The following ZEB1 variants were observed in gnomAD, a reference collection of about 807,000 sequenced individuals.
ZEB1 encodes zinc finger E-box-binding homeobox 1.
ZEB1 carries 21 observed loss-of-function variants against 84.9 expected under a neutral mutation model. The observed-to-expected ratio is 0.25, with a 90% CI of 0.18 to 0.36. The LOEUF (loss-of-function observed/expected upper bound fraction) is 0.36. ZEB1 is among the 10% of genes least tolerant of loss of function. The probability of loss-of-function intolerance (pLI) is 1.00; values close to 1 mark genes in which losing one functional copy is unlikely to be tolerated. For synonymous variants in ZEB1, 420 were observed against 471.1 expected (o/e 0.89, Z 1.41); for missense variants, 1,104 against 1,330.2 (o/e 0.83, Z 2.65).
chr10:31,351,209 T>A (rs763036463), intron 1 of ZEB1, among the ~76,000 whole-genome samples: 3 of 152,202 alleles, frequency 2.0e-5, no homozygotes, highest in African/African-American at 2.4e-5. Flanking sequence ...ATATAGTAGT[T>A]GTAAATTGCT....
At chr10:31,482,042 C>A (rs377643840) in intron 2 of ZEB1, among the ~76,000 whole-genome samples, 185 of 151,924 alleles carry the variant, frequency 1.2e-3, no homozygotes, top group African/African-American at 4.3e-3. Context: ...AGTATTTTCC[C>A]AGAAGATAAT....
intron 1 of ZEB1, among the ~76,000 whole-genome samples, chr10:31,384,382 C>A (rs1035790788): frequency 6.6e-6 from 1 of 152,158 alleles, no homozygotes. Flanking sequence ...GAAACTCTTA[C>A]AGCCATGTGA....
At chr10:31,326,027 A>G (rs80322740) in intron 1 of ZEB1, among the ~76,000 whole-genome samples, 2,293 of 150,258 alleles carry the variant, frequency 0.015, 51 homozygotes, top group African/African-American at 0.052. Flanking sequence ...GATGAAAAAA[A>G]CTCATTTTCT....
chr10:31,328,631 T>A (rs2036100704), intron 1 of ZEB1, among the ~76,000 whole-genome samples: 1 of 152,118 alleles, frequency 6.6e-6, no homozygotes, highest in South Asian at 2.1e-4. Context: ...TGTTAAATGA[T>A]CAATAGACAC....
intron 1 of ZEB1, among the ~76,000 whole-genome samples, chr10:31,432,072 A>G (rs1463001621): frequency 6.6e-6 from 1 of 152,258 alleles, no homozygotes; most frequent in Admixed American, 6.5e-5. Context: ...TAACAAAGAT[A>G]TGATAAAATA....
chr10:31,362,886 A>G (rs192179559), intron 1 of ZEB1: 11 of 1,353,982 alleles, frequency 8.1e-6, no homozygotes, highest in Admixed American at 3.9e-5. Flanking sequence ...TTGATATTCT[A>G]CTTAACACTC....
chr10:31,453,373 C>G (rs1287694026), intron 1 of ZEB1, among the ~76,000 whole-genome samples: 2 of 152,138 alleles, frequency 1.3e-5, no homozygotes, highest in Non-Finnish European at 1.5e-5. Context: ...TCCTGCTATT[C>G]CAAGTCACAA....
intron 1 of ZEB1, among the ~76,000 whole-genome samples, chr10:31,456,376 T>C (rs1039835657): frequency 3.3e-5 from 5 of 152,160 alleles, no homozygotes; most frequent in African/African-American, 7.2e-5. Context: ...CGTTCTGCGA[T>C]GTACCCCAGA....
chr10:31,404,752 T>C (rs1195515832), intron 1 of ZEB1, among the ~76,000 whole-genome samples: 1 of 152,118 alleles, frequency 6.6e-6, no homozygotes, highest in Non-Finnish European at 1.5e-5. Context: ...TTTTTTTCAA[T>C]CTGAAGATAG....
intron 1 of ZEB1, among the ~76,000 whole-genome samples, chr10:31,410,623 C>T (rs1203847583): frequency 6.6e-6 from 1 of 152,164 alleles, no homozygotes; most frequent in African/African-American, 2.4e-5. Context: ...AGCTGTGAAT[C>T]CATCTGGTCC....
chr10:31,369,812 T>C (rs2134396366), intron 1 of ZEB1, among the ~76,000 whole-genome samples: 1 of 152,324 alleles, frequency 6.6e-6, no homozygotes, highest in East Asian at 1.9e-4. Flanking sequence ...CTAATTTGCA[T>C]TCCCACCAAC....
intron 1 of ZEB1, among the ~76,000 whole-genome samples, chr10:31,359,149 A>G (rs532365684): frequency 6.6e-6 from 1 of 152,230 alleles, no homozygotes; most frequent in African/African-American, 2.4e-5. Context: ...TTATTGTGAA[A>G]CCTTGTTCAA....
chr10:31,431,725 G>T (rs1460610371), intron 1 of ZEB1, among the ~76,000 whole-genome samples: 1 of 152,010 alleles, frequency 6.6e-6, no homozygotes, highest in Non-Finnish European at 1.5e-5. Flanking sequence ...TAATCTAATG[G>T]AATAATTTTA....
intron 1 of ZEB1, among the ~76,000 whole-genome samples, chr10:31,422,462 G>A (rs902565167): frequency 1.3e-5 from 2 of 152,060 alleles, no homozygotes; most frequent in African/African-American, 4.8e-5. Flanking sequence ...AGAGAACTAA[G>A]TTAGAGACAG....
intron 1 of ZEB1, among the ~76,000 whole-genome samples, chr10:31,348,948 A>C (rs889313120): frequency 6.6e-6 from 1 of 152,178 alleles, no homozygotes; most frequent in Non-Finnish European, 1.5e-5. Context: ...GAACACCTAA[A>C]ATCTACTCTT....
At chr10:31,387,135 A>G in intron 1 of ZEB1, 1 of 985,852 alleles carries the variant, frequency 1.0e-6, no homozygotes, top group Non-Finnish European at 1.2e-6. Context: ...ACAACCTTAA[A>G]CTTCCACCAC....
chr10:31,341,025 G>A (rs768533710), intron 1 of ZEB1, among the ~76,000 whole-genome samples: 1 of 152,102 alleles, frequency 6.6e-6, no homozygotes, highest in Non-Finnish European at 1.5e-5. Context: ...GGAGAGATAC[G>A]AAACCAAATC....
intron 1 of ZEB1, among the ~76,000 whole-genome samples, chr10:31,412,408 A>T (rs531375584): frequency 2.4e-4 from 37 of 151,280 alleles, no homozygotes; most frequent in African/African-American, 9.0e-4. Flanking sequence ...ATCCCTCCCC[A>T]CTCCCTCTAC....
Position 31,319,251 on chromosome 10 carries a change from G to A in ZEB1, c.17G>A (p.Arg6Lys), listed in dbSNP as rs1589874444. The A allele has an allele frequency of 4.3e-6, 7 of 1,610,448 alleles. No individual in the cohort carries two copies. Among genetic ancestry groups the A allele is most frequent in the Non-Finnish European group, 5.9e-6 (7 of 1,178,922 alleles). ...GAGAGGATCATGGCGGATGGCCCCA[G>A]GTGTAAGCGCAGAAAGCAGGCGAAC... MADGP[R>K]CKRRKQANPR... Residue 6 changes from arginine to lysine, a missense_variant, in exon 1 of 9, where the codon AGG becomes AAG. Transcript: ENST00000424869.
Sources: allele counts gnomAD v4.1 joint callset (sites outside exome capture counted in the v4.1 genomes callset), GRCh38; gene constraint gnomAD v4.1.1; transcripts MANE v1.5; gene names NCBI Gene and HGNC (gene_info 2026-07-23, HGNC 2026-07-21).